CHRM3: variants seen among roughly 807,000 people sequenced by gnomAD.
CHRM3 encodes the protein muscarinic acetylcholine receptor M3.
Under a neutral mutation model 41.8 loss-of-function variants are expected in CHRM3, and 11 were observed. The observed-to-expected ratio is 0.26, with a 90% CI of 0.17 to 0.44. The LOEUF is 0.44. CHRM3 is among the 20% of genes least tolerant of loss of function. The pLI is 1.00. For synonymous variants in CHRM3, 297 were observed against 301.4 expected, an observed-to-expected ratio of 0.99 and a Z score of 0.15; for missense variants, 571 against 745.4, an observed-to-expected ratio of 0.77 and a Z score of 2.72.
intron 5 of CHRM3, among the ~76,000 whole-genome samples, chr1:239,751,699 A>C (rs1324291104): frequency 6.6e-6 from 1 of 152,204 alleles, no homozygotes; most frequent in Admixed American, 6.5e-5. Context: ...TCAGTCAGAC[A>C]GATGGGGATT....
At chr1:239,700,208 T>C (rs937433917) in intron 5 of CHRM3, among the ~76,000 whole-genome samples, 2 of 152,168 alleles carry the variant, frequency 1.3e-5, no homozygotes, top group African/African-American at 4.8e-5. Context: ...CCGCCATTCC[T>C]GAGAACTGGG....
chr1:239,452,403 A>G (rs1664620325), intron 1 of CHRM3, among the ~76,000 whole-genome samples: 1 of 152,210 alleles, frequency 6.6e-6, no homozygotes, highest in African/African-American at 2.4e-5. Flanking sequence ...GACCGCAGGA[A>G]TTCTAGAAAT....
intron 5 of CHRM3, among the ~76,000 whole-genome samples, chr1:239,784,472 C>T (rs77605567): frequency 0.013 from 2,027 of 152,224 alleles, 41 homozygotes; most frequent in African/African-American, 0.046. Flanking sequence ...CTCAGGTCCA[C>T]GTTCAATTAA....
At chr1:239,398,325 T>C (rs2102960256) in intron 1 of CHRM3, among the ~76,000 whole-genome samples, 1 of 152,288 alleles carries the variant, frequency 6.6e-6, no homozygotes, top group South Asian at 2.1e-4. Context: ...AACGTCTGCC[T>C]CCTGGGTTCA....
At chr1:239,663,157 G>A (rs1169446490) in intron 4 of CHRM3, among the ~76,000 whole-genome samples, 1 of 152,016 alleles carries the variant, frequency 6.6e-6, no homozygotes, top group Non-Finnish European at 1.5e-5. Flanking sequence ...AGGTGCCTCT[G>A]TTCTGCCCAC....
intron 5 of CHRM3, among the ~76,000 whole-genome samples, chr1:239,771,456 A>G (rs541033467): frequency 1.3e-5 from 2 of 152,304 alleles, no homozygotes; most frequent in African/African-American, 4.8e-5. Context: ...CAGCACCTCC[A>G]CTTCTAGCAA....
In CHRM3 at chr1:239,424,033, C is replaced by T. The variant is rs577241663; in HGVS notation, c.-521+36806C>T. On this transcript the variant is annotated intron_variant, in intron 1 of 6. Transcript: ENST00000676153. ...TTGCGCCACTGCACTCCAGCCTGGG[C>T]AACAGAGCGAGACTCTGTCTCAAAA... Among the ~76,000 whole-genome samples, 363 of 126,130 alleles carry T rather than the reference C, an allele frequency of 2.9e-3. 1 individual carries two copies. Among genetic ancestry groups the T allele is most frequent in the Middle Eastern group, 5.3e-3 (1 of 190 alleles). The allele number at this position is 126,130 out of a possible 152,430, so 82.7% of individuals were successfully genotyped here.
chr1:239,526,038 C>T (rs1331482385), intron 2 of CHRM3, among the ~76,000 whole-genome samples: 1 of 152,166 alleles, frequency 6.6e-6, no homozygotes, highest in African/African-American at 2.4e-5. Flanking sequence ...ATCATGGAGT[C>T]TCAGCTGGGT....
chr1:239,647,510 T>A (rs949016988), intron 4 of CHRM3, among the ~76,000 whole-genome samples: 3 of 152,154 alleles, frequency 2.0e-5, no homozygotes, highest in African/African-American at 7.2e-5. Flanking sequence ...TTTTATCTAC[T>A]GCAAAGTGAT....
At chr1:239,613,471 T>C (rs962442136) in intron 3 of CHRM3, among the ~76,000 whole-genome samples, 4 of 152,206 alleles carry the variant, frequency 2.6e-5, no homozygotes, top group Admixed American at 1.3e-4. Context: ...AACGTGTGTA[T>C]TTGAAACCTG....
chr1:239,733,534 A>C (rs1323016172), intron 5 of CHRM3, among the ~76,000 whole-genome samples: 1 of 152,094 alleles, frequency 6.6e-6, no homozygotes, highest in Non-Finnish European at 1.5e-5. Context: ...TTAGGTAGTC[A>C]CAAACTAGAG....
At chr1:239,698,022 T>G (rs929480560) in intron 5 of CHRM3, among the ~76,000 whole-genome samples, 4 of 152,172 alleles carry the variant, frequency 2.6e-5, no homozygotes, top group African/African-American at 9.7e-5. Context: ...GTGACTAAAT[T>G]TCATGTCTCT....
rs58429256 is a variant in CHRM3 at position 239,780,817 on chromosome 1, T to TTG, written c.-146-46413_-146-46412dup. ...GTGTAAGGTCTGTGTCTACATTTATTTGTGTGTGTGTGTGTGTGTGTGTAT... is the reference window on the plus strand; with the variant it reads ...GTGTAAGGTCTGTGTCTACATTTATTTGTGTGTGTGTGTGTGTGTGTGTGTAT... On this transcript the variant is annotated intron_variant, in intron 5 of 6. Transcript: ENST00000676153. Among the ~76,000 whole-genome samples the TTG allele has an allele frequency of 5.8e-4, 88 of 150,660 alleles. 1 individual carries two copies. Among genetic ancestry groups the TTG allele is most frequent in the Admixed American group, 7.3e-4 (11 of 15,120 alleles).
intron 3 of CHRM3, among the ~76,000 whole-genome samples, chr1:239,587,559 T>G (rs369379177): frequency 6.6e-6 from 1 of 152,206 alleles, no homozygotes; most frequent in Non-Finnish European, 1.5e-5. Flanking sequence ...GGGGCAATTT[T>G]AAGCCAACTG....
chr1:239,684,937 G>A (rs1227887434), intron 5 of CHRM3, among the ~76,000 whole-genome samples: 1 of 152,068 alleles, frequency 6.6e-6, no homozygotes, highest in Non-Finnish European at 1.5e-5. Context: ...ACCTGTGTGA[G>A]GACATGTATT....
intron 5 of CHRM3, among the ~76,000 whole-genome samples, chr1:239,819,431 A>G (rs1671855022): frequency 6.6e-6 from 1 of 152,232 alleles, no homozygotes; most frequent in Non-Finnish European, 1.5e-5. Context: ...GAAAAGTATG[A>G]GTCCACAGTT....
chr1:239,584,730 GC>G (rs1663244204), intron 3 of CHRM3, among the ~76,000 whole-genome samples: 1 of 152,060 alleles, frequency 6.6e-6, no homozygotes. Flanking sequence ...TCCAGATTTA[GC>G]CCCCACAAAG....
chr1:239,805,443 A>G (rs1670557992), intron 5 of CHRM3, among the ~76,000 whole-genome samples: 1 of 152,216 alleles, frequency 6.6e-6, no homozygotes, highest in African/African-American at 2.4e-5. Context: ...TATCTGAAGA[A>G]GCTTATAACT....
At chr1:239,559,626 A>C (rs1431038788) in intron 3 of CHRM3, among the ~76,000 whole-genome samples, 1 of 152,188 alleles carries the variant, frequency 6.6e-6, no homozygotes, top group Admixed American at 6.6e-5. Flanking sequence ...CCTCAAAACT[A>C]AGACATTATT....
Sources: allele counts gnomAD v4.1 joint callset (sites outside exome capture counted in the v4.1 genomes callset), GRCh38; gene constraint gnomAD v4.1.1; transcripts MANE v1.5; gene names NCBI Gene and HGNC (gene_info 2026-07-23, HGNC 2026-07-21).